Variants in RANBP2 observed in about 807,000 individuals in gnomAD.
RANBP2 encodes E3 SUMO-protein ligase RanBP2.
RANBP2 carries 57 observed loss-of-function variants against 303.6 expected under a neutral mutation model. The observed-to-expected ratio is 0.19, with a 90% CI of 0.15 to 0.23. The LOEUF (loss-of-function observed/expected upper bound fraction) is 0.23, where lower values mean the gene tolerates loss of function less well. Among genes scored for constraint, RANBP2 ranks in the 10% least tolerant of loss-of-function variants. RANBP2 has a pLI of 1.00. For missense variants in RANBP2, 3,138 were observed against 3,780.8 expected (o/e 0.83, Z 4.46); for synonymous variants, 1,167 against 1,301.5 (o/e 0.90, Z 2.23).
the RANBP2 span, among the ~76,000 whole-genome samples, chr2:109,481,683 G>C: frequency 6.6e-6 from 1 of 152,146 alleles, no homozygotes; most frequent in Middle Eastern, 3.2e-3. Flanking sequence ...GCTCTGCCTC[G>C]CAGCACCTCC....
At chr2:109,060,238 T>C in the RANBP2 span, among the ~76,000 whole-genome samples, 1 of 152,144 alleles carries the variant, frequency 6.6e-6, no homozygotes, top group Non-Finnish European at 1.5e-5. Flanking sequence ...AATTTAATAA[T>C]ACACATACTT....
chr2:109,552,822 T>C, the RANBP2 span: 2 of 370,470 alleles, frequency 5.4e-6, no homozygotes, highest in African/African-American at 2.1e-5. Flanking sequence ...AGAGGGTAGC[T>C]GCTGCAGCTT....
intron 17 of RANBP2, among the ~76,000 whole-genome samples, chr2:108,755,779 A>G (rs2149244026): frequency 6.6e-6 from 1 of 151,474 alleles, no homozygotes; most frequent in South Asian, 2.1e-4. Context: ...TCTGGAGTGC[A>G]GTGGTGCGAT....
At chr2:109,697,902 C>T in the RANBP2 span, among the ~76,000 whole-genome samples, 9 of 149,320 alleles carry the variant, frequency 6.0e-5, no homozygotes, top group South Asian at 2.1e-4. Flanking sequence ...CTCTGTCATC[C>T]GGGCTGGAGT....
chr2:109,577,392 G>C, the RANBP2 span, among the ~76,000 whole-genome samples: 10 of 152,060 alleles, frequency 6.6e-5, no homozygotes, highest in Admixed American at 4.6e-4. Context: ...TCAGGAGTTC[G>C]AGACCAGCCT....
chr2:108,793,221 C>A, the RANBP2 span, among the ~76,000 whole-genome samples: 4 of 151,606 alleles, frequency 2.6e-5, no homozygotes, highest in African/African-American at 4.8e-5. Context: ...AAAAATTAGC[C>A]GGGCTTGGTG....
the RANBP2 span, among the ~76,000 whole-genome samples, chr2:109,726,285 C>T: frequency 4.6e-5 from 7 of 151,756 alleles, no homozygotes; most frequent in Admixed American, 6.6e-5. Flanking sequence ...GCTTGCACGC[C>T]GGTAGTCCCA....
At chr2:109,307,488 AT>A in the RANBP2 span, among the ~76,000 whole-genome samples, 7 of 149,484 alleles carry the variant, frequency 4.7e-5, no homozygotes, top group Non-Finnish European at 1.0e-4. Context: ...TTAGTTACAT[AT>A]GTATACATGT....
At chr2:109,014,609 A>G in the RANBP2 span, among the ~76,000 whole-genome samples, 1 of 152,186 alleles carries the variant, frequency 6.6e-6, no homozygotes, top group Non-Finnish European at 1.5e-5. Flanking sequence ...ACCTACAGTC[A>G]CAAGCCACAC....
chr2:109,762,087 T>TA, the RANBP2 span, among the ~76,000 whole-genome samples: 1 of 144,298 alleles, frequency 6.9e-6, no homozygotes, highest in Non-Finnish European at 1.5e-5. Flanking sequence ...CGGTTTCTTA[T>TA]AAAAGATCCT....
chr2:109,270,077 G>A, the RANBP2 span, among the ~76,000 whole-genome samples: 1 of 152,240 alleles, frequency 6.6e-6, no homozygotes, highest in African/African-American at 2.4e-5. Context: ...GAGCTTGGCT[G>A]CCGTGGGGCA....
the RANBP2 span, among the ~76,000 whole-genome samples, chr2:109,664,114 ACTC>A: frequency 6.6e-6 from 1 of 151,988 alleles, no homozygotes; most frequent in Non-Finnish European, 1.5e-5. Context: ...AATTACATTT[ACTC>A]CTCTTCTACT....
the RANBP2 span, among the ~76,000 whole-genome samples, chr2:109,485,325 T>C: frequency 6.6e-6 from 1 of 152,256 alleles, no homozygotes; most frequent in African/African-American, 2.4e-5. Context: ...ACAGGTTTAC[T>C]TCATTTTCAT....
At chr2:108,868,724 T>G in the RANBP2 span, among the ~76,000 whole-genome samples, 1 of 152,176 alleles carries the variant, frequency 6.6e-6, no homozygotes, top group Non-Finnish European at 1.5e-5. Context: ...GTCCTCCTTT[T>G]TTGCTTTGTT....
At chr2:109,133,027 G>T in the RANBP2 span, among the ~76,000 whole-genome samples, 3 of 152,156 alleles carry the variant, frequency 2.0e-5, no homozygotes, top group East Asian at 1.9e-4. Context: ...ATGTAGACTC[G>T]GCTAGGCACT....
At chr2:109,268,977 G>A in the RANBP2 span, among the ~76,000 whole-genome samples, 1 of 152,212 alleles carries the variant, frequency 6.6e-6, no homozygotes, top group Admixed American at 6.5e-5. Context: ...ACAAATGTCT[G>A]AGGAGGACCT....
At chr2:109,057,367 T>G in the RANBP2 span, among the ~76,000 whole-genome samples, 1 of 152,340 alleles carries the variant, frequency 6.6e-6, no homozygotes, top group Non-Finnish European at 1.5e-5. Flanking sequence ...CAATGTGATA[T>G]CTCAGATTAT....
the RANBP2 span, chr2:109,544,186 T>C: frequency 6.3e-7 from 1 of 1,597,842 alleles, no homozygotes; most frequent in Non-Finnish European, 8.5e-7. Flanking sequence ...TATCAGTAAC[T>C]GTGGCTGTTC....
At chr2:108,807,065 CT>C in the RANBP2 span, among the ~76,000 whole-genome samples, 3 of 152,106 alleles carry the variant, frequency 2.0e-5, no homozygotes, top group Non-Finnish European at 4.4e-5. Context: ...GAAAATATGT[CT>C]TTCATTCTAT....
Sources: gnomAD v4.1 joint callset for allele counts (sites outside exome capture counted in the v4.1 genomes callset) on GRCh38, gnomAD v4.1.1 for gene constraint, MANE v1.5 for transcripts, NCBI Gene and HGNC (gene_info 2026-07-23, HGNC 2026-07-21) for gene names.